CPNE4: variants seen among roughly 807,000 people sequenced by gnomAD.
The protein encoded by CPNE4 is copine 4.
In CPNE4, 25 loss-of-function variants were observed where a neutral mutation model predicts 67.9. That is an observed-to-expected ratio of 0.37 (90% CI 0.27 to 0.51). The LOEUF is 0.51. Ranked by LOEUF, CPNE4 falls within the 20% of genes least tolerant of loss-of-function variation. The pLI, the probability that CPNE4 is intolerant of heterozygous loss-of-function variation, is 0.93. For synonymous variants in CPNE4, 242 were observed against 244.9 expected (o/e 0.99, Z 0.11); for missense variants, 464 against 690.8 (o/e 0.67, Z 3.68).
At chr3:131,630,271 T>C (rs927285192) in intron 7 of CPNE4, among the ~76,000 whole-genome samples, 1 of 152,202 alleles carries the variant, frequency 6.6e-6, no homozygotes, top group Non-Finnish European at 1.5e-5. Flanking sequence ...TACAAGTAAC[T>C]TATTTTACTT....
chr3:131,848,752 T>G (rs2086103351), intron 2 of CPNE4, among the ~76,000 whole-genome samples: 1 of 151,768 alleles, frequency 6.6e-6, no homozygotes, highest in Non-Finnish European at 1.5e-5. Flanking sequence ...TGCAAAATTC[T>G]TTAATCACTC....
intron 2 of CPNE4, among the ~76,000 whole-genome samples, chr3:131,865,188 C>T (rs575324593): frequency 2.0e-5 from 3 of 152,008 alleles, no homozygotes; most frequent in African/African-American, 4.8e-5. Context: ...GTGTCTCTGC[C>T]AGGCTTTGGT....
intron 1 of CPNE4, among the ~76,000 whole-genome samples, chr3:131,965,612 TCAAA>T (rs574138018): frequency 8.0e-4 from 122 of 151,852 alleles, no homozygotes; most frequent in African/African-American, 2.8e-3. Flanking sequence ...CCAACAAAGA[TCAAA>T]AAAGACAAAG....
chr3:131,946,442 G>C (rs2071554451), intron 1 of CPNE4, among the ~76,000 whole-genome samples: 1 of 152,070 alleles, frequency 6.6e-6, no homozygotes, highest in South Asian at 2.1e-4. Flanking sequence ...GGACATTTGG[G>C]CTTTTTCCAC....
intron 1 of CPNE4, among the ~76,000 whole-genome samples, chr3:131,959,268 G>A (rs555281701): frequency 0.2 from 6,478 of 32,090 alleles, 634 homozygotes; most frequent in African/African-American, 0.34. Flanking sequence ...CCAAAGTGCT[G>A]GGATTACAGG....
intron 1 of CPNE4, among the ~76,000 whole-genome samples, chr3:131,926,837 T>C (rs560455002): frequency 1.1e-3 from 173 of 152,064 alleles, no homozygotes; most frequent in Non-Finnish European, 1.7e-3. Context: ...TCTTGAAGGA[T>C]GGGTTGTAGT....
chr3:131,655,853 C>T (rs962272606), intron 7 of CPNE4, among the ~76,000 whole-genome samples: 7 of 152,096 alleles, frequency 4.6e-5, no homozygotes, highest in African/African-American at 1.4e-4. Flanking sequence ...ATGGTTAGTA[C>T]TAGACTTAAT....
chr3:131,981,848 C>A (rs750680774), intron 1 of CPNE4, among the ~76,000 whole-genome samples: 2 of 152,190 alleles, frequency 1.3e-5, no homozygotes, highest in African/African-American at 2.4e-5. Context: ...ACAAACAGAC[C>A]TTCAGCTTCT....
At chr3:131,771,521 C>T (rs2083165392) in intron 2 of CPNE4, among the ~76,000 whole-genome samples, 1 of 152,056 alleles carries the variant, frequency 6.6e-6, no homozygotes, top group African/African-American at 2.4e-5. Flanking sequence ...GGCACCTCCC[C>T]TCTCCCCTCT....
chr3:131,550,772 C>T (rs1490630224), intron 13 of CPNE4, among the ~76,000 whole-genome samples: 1 of 152,040 alleles, frequency 6.6e-6, no homozygotes, highest in African/African-American at 2.4e-5. Flanking sequence ...GCACTGAGTA[C>T]AGATAAGTGA....
At chr3:131,971,009 TC>T (rs2072485317) in intron 1 of CPNE4, among the ~76,000 whole-genome samples, 1 of 152,234 alleles carries the variant, frequency 6.6e-6, no homozygotes, top group Non-Finnish European at 1.5e-5. Flanking sequence ...CACTAGATCA[TC>T]TGCTAGATGA....
intron 3 of CPNE4, among the ~76,000 whole-genome samples, chr3:131,720,301 T>A (rs76741985): frequency 3.3e-5 from 5 of 150,900 alleles, no homozygotes; most frequent in Admixed American, 3.3e-4. Flanking sequence ...TTTTTTTTTT[T>A]TTTGAGACGG....
intron 1 of CPNE4, among the ~76,000 whole-genome samples, chr3:131,911,707 G>T (rs1335230373): frequency 2.0e-5 from 3 of 151,854 alleles, no homozygotes; most frequent in Admixed American, 1.3e-4. Context: ...AGAGGGATAG[G>T]GTACAGGAAA....
intron 7 of CPNE4, among the ~76,000 whole-genome samples, chr3:131,606,787 C>G (rs1479655866): frequency 6.6e-6 from 1 of 150,780 alleles, no homozygotes; most frequent in Non-Finnish European, 1.5e-5. Context: ...TTACTCCAGC[C>G]ACCCTCTAAA....
intron 7 of CPNE4, among the ~76,000 whole-genome samples, chr3:131,660,157 T>C (rs1241783187): frequency 6.6e-6 from 1 of 152,208 alleles, no homozygotes; most frequent in Non-Finnish European, 1.5e-5. Flanking sequence ...ATATGGTTTC[T>C]TGGAAACAAA....
At position 131,581,569 on chromosome 3, in the gene CPNE4, G is replaced by C; in HGVS notation, c.867+10C>G. On this transcript the variant is annotated intron_variant, in intron 9 of 15. Transcript: ENST00000429747. ...CTTCATACTCCTGGAAGAGAGGGTT[G>C]TGTACATACCTTGCACAGATTCAGA... is the stretch of plus-strand genomic sequence containing the variant. The C allele has an allele frequency of 5.7e-6, 9 of 1,586,352 alleles. No homozygotes were observed. The highest frequency in any genetic ancestry group is 7.8e-6 in the Non-Finnish European group (9 of 1,154,706).
chr3:131,881,063 G>GA (rs2087657067), intron 2 of CPNE4, among the ~76,000 whole-genome samples: 1 of 152,046 alleles, frequency 6.6e-6, no homozygotes, highest in Non-Finnish European at 1.5e-5. Flanking sequence ...GTGAAACAAA[G>GA]AAAATGTTCA....
At chr3:131,877,917 A>G (rs2087521786) in intron 2 of CPNE4, among the ~76,000 whole-genome samples, 1 of 152,232 alleles carries the variant, frequency 6.6e-6, no homozygotes. Context: ...TATGCAGATT[A>G]AAATCCCATT....
chr3:131,950,512 C>T (rs2071691419), intron 1 of CPNE4, among the ~76,000 whole-genome samples: 1 of 152,146 alleles, frequency 6.6e-6, no homozygotes, highest in South Asian at 2.1e-4. Flanking sequence ...TTGCCTTGTT[C>T]AACCTCAGCT....
Sources: gnomAD v4.1 joint callset for allele counts (sites outside exome capture counted in the v4.1 genomes callset) on GRCh38, gnomAD v4.1.1 for gene constraint, MANE v1.5 for transcripts, NCBI Gene and HGNC (gene_info 2026-07-23, HGNC 2026-07-21) for gene names.